ATP11C: variants seen among roughly 807,000 people sequenced by gnomAD.
The protein encoded by ATP11C is ATPase phospholipid transporting 11C (ATP11C blood group).
A neutral mutation model predicts 97.4 loss-of-function variants in ATP11C; 36 were observed. That is an observed-to-expected ratio of 0.37 (90% CI 0.28 to 0.49). The LOEUF (loss-of-function observed/expected upper bound fraction) is 0.49. Among genes scored for constraint, ATP11C ranks in the 20% least tolerant of loss-of-function variants. ATP11C has a pLI of 0.98. For missense variants in ATP11C, 730 were observed against 824.6 expected (o/e 0.89, Z 1.40); for synonymous variants, 275 against 290.9 (o/e 0.95, Z 0.56).
At chrX:139,810,196 C>G (rs1252791385) in intron 5 of ATP11C, among the ~76,000 whole-genome samples, 1 of 111,730 alleles carries the variant, frequency 9.0e-6, no homozygotes, top group Non-Finnish European at 1.9e-5. Context: ...CACGGTGGCT[C>G]ACACCTGTAA....
intron 12 of ATP11C, among the ~76,000 whole-genome samples, chrX:139,795,660 A>T (rs1175455970): frequency 3.6e-5 from 4 of 112,183 alleles, no homozygotes; most frequent in African/African-American, 1.3e-4. Flanking sequence ...CACTTGAAGA[A>T]TTACAGCCAG....
intron 20 of ATP11C, among the ~76,000 whole-genome samples, chrX:139,765,047 G>A (rs1274193636): frequency 9.0e-6 from 1 of 111,348 alleles, no homozygotes; most frequent in Non-Finnish European, 1.9e-5. Flanking sequence ...TATCAAGGGT[G>A]ACAGCTTCTG....
intron 6 of ATP11C, among the ~76,000 whole-genome samples, chrX:139,803,857 C>A (rs1346413089): frequency 9.4e-6 from 1 of 106,761 alleles, no homozygotes; most frequent in Non-Finnish European, 1.9e-5. Flanking sequence ...CACCACTATG[C>A]CCGGCTAATT....
Position 139,789,449 on chromosome X carries a change from C to T in ATP11C, c.1246G>A (p.Glu416Lys). ...VFTDKTGTLT[E>K]NSMEFIECCI... is the part of the protein sequence containing the mutation. The stretch of plus-strand genomic sequence containing the variant: ...CATTCAATGAATTCCATGCTGTTTT[C>T]AGTGAGTGTTCCAGTCTTATCTGTA... The change falls in exon 13 of 30, where the codon GAA (glutamate) becomes AAA (lysine). Residue 416 changes from glutamate (E) to lysine (K), a missense_variant. Physicochemically the swap from Glu to Lys is moderately conservative, Grantham distance 56. Coordinates refer to ENST00000682941, the MANE Select transcript of ATP11C (RefSeq NM_001353812.2). 8.3e-7 allele frequency: 1 copy of T among 1,204,212 alleles called. No homozygotes were observed. The highest frequency in any genetic ancestry group is 1.8e-5 in the South Asian group (1 of 54,948).
At chrX:139,780,510 TA>T (rs61157633) in intron 18 of ATP11C, among the ~76,000 whole-genome samples, 1,191 of 97,705 alleles carry the variant, frequency 0.012, 13 homozygotes, top group African/African-American at 0.038. Flanking sequence ...ACCTTGATGA[TA>T]AAAAAAAAAA....
At chrX:139,797,821 T>C (rs1300598810) in intron 10 of ATP11C, among the ~76,000 whole-genome samples, 1 of 111,625 alleles carries the variant, frequency 9.0e-6, no homozygotes, top group Non-Finnish European at 1.9e-5. Flanking sequence ...GTGAGGTCTA[T>C]AGCAGTGGCA....
chrX:139,899,351 C>T (rs1014563769), intron 1 of ATP11C, among the ~76,000 whole-genome samples: 6 of 109,683 alleles, frequency 5.5e-5, no homozygotes, highest in African/African-American at 6.7e-5. Context: ...GGCGTGGTGG[C>T]GGGAACCCCC....
chrX:139,816,615 C>T (rs2083292211), intron 4 of ATP11C, among the ~76,000 whole-genome samples: 1 of 112,236 alleles, frequency 8.9e-6, no homozygotes, highest in Non-Finnish European at 1.9e-5. Context: ...TATTTCCTGA[C>T]TGGGCTGTAC....
intron 25 of ATP11C, among the ~76,000 whole-genome samples, chrX:139,745,348 G>A (rs1236029553): frequency 9.0e-6 from 1 of 111,538 alleles, no homozygotes; most frequent in Non-Finnish European, 1.9e-5. Context: ...ACCCGCTTCA[G>A]CTCCAAGCAT....
intron 1 of ATP11C, among the ~76,000 whole-genome samples, chrX:139,859,677 A>G (rs1045526387): frequency 4.4e-5 from 5 of 112,474 alleles, no homozygotes; most frequent in Non-Finnish European, 9.4e-5. Flanking sequence ...GGAATGAAGG[A>G]TGATCTCTCC....
chrX:139,783,682 G>A (rs1020742526), intron 16 of ATP11C, among the ~76,000 whole-genome samples: 2 of 110,761 alleles, frequency 1.8e-5, no homozygotes, highest in Non-Finnish European at 3.8e-5. Flanking sequence ...AGACCAGCCT[G>A]GGCAACACAG....
intron 19 of ATP11C, among the ~76,000 whole-genome samples, chrX:139,774,468 C>T (rs1472349692): frequency 1.8e-5 from 2 of 111,983 alleles, no homozygotes; most frequent in South Asian, 3.7e-4. Context: ...CTAAACCTTC[C>T]GAAATGTGCA....
At chrX:139,788,715 T>G (rs2082628639) in intron 13 of ATP11C, among the ~76,000 whole-genome samples, 1 of 111,643 alleles carries the variant, frequency 9.0e-6, no homozygotes, top group South Asian at 3.7e-4. Flanking sequence ...TCCTGAGACT[T>G]TAATCATTTG....
At chrX:139,916,696 T>C (rs976558246) in intron 1 of ATP11C, among the ~76,000 whole-genome samples, 8 of 110,819 alleles carry the variant, frequency 7.2e-5, no homozygotes, top group South Asian at 7.7e-4. Flanking sequence ...ACAACGGTCC[T>C]GTGGCAGATG....
At chrX:139,803,685 C>CTATTTTTTTTTT (rs2082976689) in intron 6 of ATP11C, among the ~76,000 whole-genome samples, 1 of 38,259 alleles carries the variant, frequency 2.6e-5, no homozygotes, top group African/African-American at 1.0e-4. Context: ...TACACCCTAT[C>CTATTTTTTTTTT]TTTTTTTTTT....
intron 1 of ATP11C, among the ~76,000 whole-genome samples, chrX:139,828,825 C>A (rs1157521090): frequency 1.4e-4 from 16 of 112,100 alleles, no homozygotes; most frequent in African/African-American, 3.9e-4. Flanking sequence ...CACTGATTAA[C>A]TTAAAACAGA....
intron 27 of ATP11C, among the ~76,000 whole-genome samples, chrX:139,740,308 T>C (rs749812143): frequency 2.7e-5 from 3 of 111,807 alleles, no homozygotes; most frequent in Non-Finnish European, 5.6e-5. Flanking sequence ...ACAGCTTATG[T>C]GTCCCTCACT....
chrX:139,760,105 A>G (rs1040512006), intron 22 of ATP11C, among the ~76,000 whole-genome samples: 10 of 112,007 alleles, frequency 8.9e-5, no homozygotes, highest in Non-Finnish European at 1.7e-4. Context: ...GAGTAAATGA[A>G]TCTATGGTGG....
At chrX:139,895,091 C>T (rs1209491654) in intron 1 of ATP11C, among the ~76,000 whole-genome samples, 1 of 112,110 alleles carries the variant, frequency 8.9e-6, no homozygotes, top group Admixed American at 9.5e-5. Flanking sequence ...GATTCTTCCA[C>T]GTGGTAAACG....
Sources: gnomAD v4.1 joint callset for allele counts (sites outside exome capture counted in the v4.1 genomes callset) on GRCh38, gnomAD v4.1.1 for gene constraint, MANE v1.5 for transcripts, NCBI Gene and HGNC (gene_info 2026-07-23, HGNC 2026-07-21) for gene names.